The following FNIP1 variants were observed in gnomAD, a reference collection of about 807,000 sequenced individuals.
The protein encoded by FNIP1 is folliculin interacting protein 1.
A neutral mutation model predicts 124.5 loss-of-function variants in FNIP1; 40 were observed. That is an observed-to-expected ratio of 0.32 (90% CI 0.25 to 0.42). The LOEUF (loss-of-function observed/expected upper bound fraction) is 0.42. FNIP1 is among the 10% of genes least tolerant of loss of function. The pLI is 1.00. For missense variants in FNIP1, 1,176 were observed against 1,403.7 expected (o/e 0.84, Z 2.59); for synonymous variants, 472 against 470.6 (o/e 1.00, Z -0.04).
chr5:131,680,621 T>G (rs185267827), intron 11 of FNIP1, among the ~76,000 whole-genome samples: 1 of 152,006 alleles, frequency 6.6e-6, no homozygotes, highest in Non-Finnish European at 1.5e-5. Flanking sequence ...GTGCAACAAA[T>G]AGAATTAGAG....
chr5:131,786,692 A>G (rs530124214), intron 1 of FNIP1, among the ~76,000 whole-genome samples: 1 of 152,174 alleles, frequency 6.6e-6, no homozygotes, highest in Non-Finnish European at 1.5e-5. Context: ...TGAATGAATT[A>G]AGGTCATTAT....
rs201739690 is a variant in FNIP1 at position 131,651,994 on chromosome 5, T to C, written c.3114A>G (p.Pro1038=). The C allele has an allele frequency of 6.2e-6, 10 of 1,610,518 alleles. No homozygotes were observed. Among genetic ancestry groups the C allele is most frequent in the Non-Finnish European group, 1.7e-6 (2 of 1,178,518 alleles). ...CTTCTGCTATTGGTTCATCCAAAAC[T>C]GGATGCTGGAAATAAAAGAATAATT... ...MSDLSHAVQH[P]VLDEPIAEAV... Residue 1038 remains proline (P), a synonymous_variant, in exon 16 of 18, where the codon CCA becomes CCG. Transcript: ENST00000510461.
chr5:131,732,807 T>G (rs535177459), intron 2 of FNIP1, among the ~76,000 whole-genome samples: 182 of 152,302 alleles, frequency 1.2e-3, no homozygotes, highest in African/African-American at 4.3e-3. Context: ...GACTTGGCAA[T>G]GTGGGCTCTT....
chr5:131,783,082 C>T (rs1430593920), intron 1 of FNIP1, among the ~76,000 whole-genome samples: 1 of 152,118 alleles, frequency 6.6e-6, no homozygotes, highest in Non-Finnish European at 1.5e-5. Context: ...CACTAGGAAA[C>T]CAAAAAATTT....
chr5:131,796,779 C>T (rs1352505812), intron 1 of FNIP1, 51 bp downstream of exon 1: 2 of 1,514,532 alleles, frequency 1.3e-6, no homozygotes, highest in Middle Eastern at 2.1e-4. Context: ...CCCTGGAGCC[C>T]GGAGCCCACA....
rs189503745 is a variant in FNIP1, at chr5:131,676,330, G to A, written c.1519+1373C>T. 3.1e-3 allele frequency among the ~76,000 whole-genome samples: 473 copies of A among 152,128 alleles called. 1 individual carries two copies. Among genetic ancestry groups the A allele is most frequent in the African/African-American group, 0.011 (452 of 41,530 alleles). On this transcript the variant is annotated intron_variant, in intron 13 of 17. Coordinates refer to ENST00000510461, the MANE Select transcript of FNIP1 (RefSeq NM_133372.3). Reference sequence around the variant, plus strand: ...ACCCAGCCATTGTTTTGTATTTTCAGTAGAGGCAGGGTTTCACCATGTTGG... The same window carrying A: ...ACCCAGCCATTGTTTTGTATTTTCAATAGAGGCAGGGTTTCACCATGTTGG...
At chr5:131,700,562 A>G (rs777663163) in intron 10 of FNIP1, among the ~76,000 whole-genome samples, 3 of 152,190 alleles carry the variant, frequency 2.0e-5, no homozygotes, top group Non-Finnish European at 4.4e-5. Context: ...TGTTTTTTCA[A>G]ACTGTTAAGA....
intron 11 of FNIP1, among the ~76,000 whole-genome samples, chr5:131,687,631 C>T (rs1212386643): frequency 6.6e-6 from 1 of 152,092 alleles, no homozygotes; most frequent in Non-Finnish European, 1.5e-5. Context: ...GAGGGAAAAC[C>T]ATCACTCTGA....
intron 13 of FNIP1, 93 bp from the exon 14 acceptor site, chr5:131,673,017 T>A: frequency 1.1e-6 from 1 of 923,624 alleles, no homozygotes; most frequent in Non-Finnish European, 1.6e-6. Flanking sequence ...TCTTTTACTG[T>A]ATGAGTAATA....
At position 131,796,811 on chromosome 5, in the gene FNIP1, C is replaced by T; in HGVS notation, c.92+19G>A. 1 of 1,562,008 alleles carries T rather than the reference C, an allele frequency of 6.4e-7. No individual in the cohort carries two copies. On this transcript the variant is annotated intron_variant, in intron 1 of 17. Coordinates refer to ENST00000510461, the MANE Select transcript of FNIP1 (RefSeq NM_133372.3). The stretch of plus-strand genomic sequence containing the variant: ...CACAAGGCCATCGGCTCCGCGACCC[C>T]CGCCCCACAGCGCCCTACCTGAACC...
intron 2 of FNIP1, among the ~76,000 whole-genome samples, chr5:131,737,809 T>C (rs562077737): frequency 6.6e-6 from 1 of 152,362 alleles, no homozygotes; most frequent in East Asian, 1.9e-4. Context: ...TAACTGTCTC[T>C]TTCTCCTGTT....
chr5:131,647,031 A>G (rs1561635034), intron 17 of FNIP1, 59 bp downstream of exon 17: 2 of 1,460,420 alleles, frequency 1.4e-6, no homozygotes, highest in East Asian at 4.5e-5. Flanking sequence ...TCTGAGGAAA[A>G]TTCCTTGCCT....
intron 3 of FNIP1, among the ~76,000 whole-genome samples, chr5:131,721,989 A>C (rs1338355633): frequency 2.0e-5 from 3 of 152,114 alleles, no homozygotes. Context: ...TCATTTTTTG[A>C]AGTCCAGTTT....
At chr5:131,722,778 T>C (rs1447920009) in intron 3 of FNIP1, among the ~76,000 whole-genome samples, 1 of 152,158 alleles carries the variant, frequency 6.6e-6, no homozygotes, top group Non-Finnish European at 1.5e-5. Context: ...CTCCGCCTCC[T>C]GGGTTCAAGC....
chr5:131,707,119 T>C (rs1769139676), intron 8 of FNIP1, among the ~76,000 whole-genome samples: 1 of 152,184 alleles, frequency 6.6e-6, no homozygotes, highest in Non-Finnish European at 1.5e-5. Context: ...TCCAGCAGAC[T>C]CCACTCTTTC....
chr5:131,662,749 T>A (rs1214884037), intron 15 of FNIP1, among the ~76,000 whole-genome samples: 1 of 144,042 alleles, frequency 6.9e-6, no homozygotes, highest in South Asian at 2.3e-4. Context: ...TTTTTTTTTT[T>A]TTTTTTTTGA....
At chr5:131,714,634 T>C (rs1046442554) in intron 6 of FNIP1, among the ~76,000 whole-genome samples, 2 of 152,304 alleles carry the variant, frequency 1.3e-5, no homozygotes, top group South Asian at 2.1e-4. Context: ...TATGATCTCT[T>C]ACCCCTAGGT....
intron 1 of FNIP1, among the ~76,000 whole-genome samples, chr5:131,777,135 T>C (rs1771836712): frequency 6.6e-6 from 1 of 151,516 alleles, no homozygotes; most frequent in Non-Finnish European, 1.5e-5. Flanking sequence ...GAAGCTACTA[T>C]ACATATATAT....
intron 1 of FNIP1, among the ~76,000 whole-genome samples, chr5:131,745,977 G>T (rs942803107): frequency 2.6e-5 from 4 of 152,192 alleles, no homozygotes; most frequent in African/African-American, 9.7e-5. Context: ...GTGAACTGGC[G>T]CAATGACTAT....
Sources: gnomAD v4.1 joint callset for allele counts (sites outside exome capture counted in the v4.1 genomes callset) on GRCh38, gnomAD v4.1.1 for gene constraint, MANE v1.5 for transcripts, NCBI Gene and HGNC (gene_info 2026-07-23, HGNC 2026-07-21) for gene names.